Variants in RPS6KL1 observed in about 807,000 individuals in gnomAD.
RPS6KL1 encodes ribosomal protein S6 kinase like 1, also known as ribosomal protein S6 kinase-like 1.
RPS6KL1 carries 41 observed loss-of-function variants against 57.0 expected under a neutral mutation model. The observed-to-expected ratio is 0.72, with a 90% CI of 0.56 to 0.93. The LOEUF (loss-of-function observed/expected upper bound fraction) is 0.93, where lower values mean the gene tolerates loss of function less well. RPS6KL1 is among the 40% of genes least tolerant of loss of function. RPS6KL1 has a pLI of 0.00. For synonymous variants in RPS6KL1, 287 were observed against 309.7 expected (o/e 0.93, Z 0.77); for missense variants, 697 against 727.7 (o/e 0.96, Z 0.49).
chr14:74,916,330 G>A (rs1594939464), intron 5 of RPS6KL1, among the ~76,000 whole-genome samples: 1 of 152,132 alleles, frequency 6.6e-6, no homozygotes, highest in Non-Finnish European at 1.5e-5. Flanking sequence ...TCAGGAGGGA[G>A]GTGAAGTCCT....
rs1162956822 is a variant in RPS6KL1 at position 74,919,932 on chromosome 14, C to T, written c.303G>A (p.Leu101=). 1 of 1,614,036 alleles carries T rather than the reference C, an allele frequency of 6.2e-7. No homozygotes were observed. The highest frequency in any genetic ancestry group is 8.5e-7 in the Non-Finnish European group (1 of 1,180,044). The change falls in exon 4 of 12, where the codon CTG becomes CTA. Residue 101 remains leucine, a synonymous_variant. Transcript: ENST00000557413. ...CCCGCCGCAGGTATTTGGTAATTTTCAGCTTCACAGCCTCACGTCGCTCCT... is the reference window on the plus strand; with the variant it reads ...CCCGCCGCAGGTATTTGGTAATTTTTAGCTTCACAGCCTCACGTCGCTCCT... ...PNKERREAVK[L]KITKYLRRAE...
At chr14:74,918,838 C>T (rs543296260) in intron 4 of RPS6KL1, among the ~76,000 whole-genome samples, 44 of 152,342 alleles carry the variant, frequency 2.9e-4, no homozygotes, top group African/African-American at 1.0e-3. Context: ...CTGAGCCCGT[C>T]CAAGGCCCAT....
intron 5 of RPS6KL1, among the ~76,000 whole-genome samples, chr14:74,918,093 A>ATATTTTATATTATTT (rs1887159411): frequency 6.7e-6 from 1 of 149,710 alleles, no homozygotes; most frequent in African/African-American, 2.5e-5. Context: ...TCTTCTTTTT[A>ATATTTTATATTATTT]TATTTTATTT....
chr14:74,917,264 A>G (rs1887006722), intron 5 of RPS6KL1, among the ~76,000 whole-genome samples: 2 of 152,172 alleles, frequency 1.3e-5, no homozygotes, highest in South Asian at 2.1e-4. Flanking sequence ...AGATCACCCC[A>G]TTGGGGGAGA....
At chr14:74,910,205 G>A in intron 7 of RPS6KL1, 57 bp from the exon 8 acceptor site, 1 of 1,480,738 alleles carries the variant, frequency 6.8e-7, no homozygotes. Context: ...GAGTATGGAT[G>A]CCAGGGCCGG....
chr14:74,919,097 C>T (rs1887350557), intron 4 of RPS6KL1, among the ~76,000 whole-genome samples: 1 of 152,228 alleles, frequency 6.6e-6, no homozygotes, highest in Non-Finnish European at 1.5e-5. Context: ...ATCGCTTGAA[C>T]CTGGGAGGCG....
chr14:74,911,789 C>T lies in RPS6KL1; in HGVS notation c.531+5G>A, dbSNP rs1335325130. 2 of 1,553,586 alleles carry T rather than the reference C, an allele frequency of 1.3e-6. No homozygotes were observed. The highest frequency in any genetic ancestry group is 2.4e-5 in the South Asian group (2 of 84,182). On this transcript the variant is annotated splice_donor_5th_base_variant and intron_variant, in intron 6 of 11. Transcript: ENST00000557413. ...GCAGAGTGGCAGGGGCAGGGTGGCA[C>T]CTGCCTTCACCACAAAGGTCCCTCC...
At chr14:74,921,720 C>T in intron 2 of RPS6KL1, 159 bp from the exon 3 acceptor site, 2 of 1,427,938 alleles carry the variant, frequency 1.4e-6, no homozygotes, top group Non-Finnish European at 1.8e-6. Context: ...GATCCAGGTC[C>T]TTCCTAAGTG....
intron 6 of RPS6KL1, 144 bp downstream of exon 6, chr14:74,911,650 G>GA: frequency 1.3e-6 from 1 of 786,336 alleles, no homozygotes; most frequent in Non-Finnish European, 2.1e-6. Flanking sequence ...TGTCCATCTG[G>GA]AAAGTGGGGC....
rs747467398 is a variant in RPS6KL1 at position 74,909,800 on chromosome 14, T to C, written c.1013A>G (p.Asp338Gly). 14 of 1,606,664 alleles carry C rather than the reference T, an allele frequency of 8.7e-6. 2 individuals are homozygous for C. The South Asian group carries it at 1.5e-4, about 18-fold the overall frequency. The change falls in exon 8 of 12, where the codon GAC (aspartate) becomes GGC (glycine). Residue 338 changes from aspartate to glycine, a missense_variant. Transcript: ENST00000557413. ...AGTGAGCCCCCGAGGGGGCCCAGCG[T>C]CTGAGTTCTGGCCAGCCCTCCTAGC... ...LQARRAGQNS[D>G]AGPPRGLTWV... is the part of the protein sequence containing the mutation.
intron 4 of RPS6KL1, among the ~76,000 whole-genome samples, chr14:74,919,501 C>T (rs1351818641): frequency 6.6e-6 from 1 of 152,180 alleles, no homozygotes; most frequent in Non-Finnish European, 1.5e-5. Flanking sequence ...GAGACAGAAT[C>T]AGGAGGCTCT....
Position 74,919,941 on chromosome 14 carries a change from A to G in RPS6KL1, c.294T>C (p.Ala98=), listed in dbSNP as rs1887543903. Residue 98 remains alanine (A), a synonymous_variant, in exon 4 of 12, where the codon GCT becomes GCC. Coordinates refer to ENST00000557413, the MANE Select transcript of RPS6KL1 (RefSeq NM_031464.5). ...HVDPNKERRE[A]VKLKITKYLR... ...GGTATTTGGTAATTTTCAGCTTCAC[A>G]GCCTCACGTCGCTCCTTGTTGGGGT... 2 of 1,614,064 alleles carry G rather than the reference A, an allele frequency of 1.2e-6. No homozygotes were observed. Among genetic ancestry groups the G allele is most frequent in the Admixed American group, 1.7e-5 (1 of 60,006 alleles).
intron 11 of RPS6KL1, 153 bp from the exon 12 acceptor site, chr14:74,907,277 T>C (rs1481830524): frequency 2.2e-6 from 3 of 1,394,960 alleles, no homozygotes; most frequent in Admixed American, 2.4e-5. Flanking sequence ...TTGGTGGTGG[T>C]TGGCCACCAA....
At chr14:74,911,725 A>G (rs1886030483) in intron 6 of RPS6KL1, 69 bp downstream of exon 6, 1 of 1,401,718 alleles carries the variant, frequency 7.1e-7, no homozygotes, top group Admixed American at 2.0e-5. Context: ...GGTTCTGGGT[A>G]GGAGTTTCCA....
chr14:74,914,114 G>A, intron 5 of RPS6KL1, among the ~76,000 whole-genome samples: 1 of 152,240 alleles, frequency 6.6e-6, no homozygotes, highest in East Asian at 1.9e-4. Flanking sequence ...GAAGGCAGTG[G>A]ACTAGATGAG....
Position 74,906,969 on chromosome 14 carries a change from G to T in RPS6KL1, c.*45C>A. Reference sequence around the variant, plus strand: ...GTTGGGTGTCAGGCAAGGAGGAGAGGCGATCCAGACCAGGCCAGCTGCTTC... The same window carrying T: ...GTTGGGTGTCAGGCAAGGAGGAGAGTCGATCCAGACCAGGCCAGCTGCTTC... On this transcript the variant is annotated 3_prime_UTR_variant, in exon 12 of 12. Coordinates refer to ENST00000557413, the MANE Select transcript of RPS6KL1 (RefSeq NM_031464.5). 6.9e-7 allele frequency: 1 copy of T among 1,446,048 alleles called. No homozygotes were observed. The highest frequency in any genetic ancestry group is 9.7e-7 in the Non-Finnish European group (1 of 1,034,604). 89.6% of individuals were successfully genotyped at this position (1,446,048 alleles called of 1,614,324 possible).
At chr14:74,913,514 C>G (rs773191023) in intron 5 of RPS6KL1, among the ~76,000 whole-genome samples, 42 of 152,236 alleles carry the variant, frequency 2.8e-4, no homozygotes, top group Non-Finnish European at 5.4e-4. Flanking sequence ...CTAGATCAAG[C>G]CACTGCACTC....
intron 4 of RPS6KL1, 77 bp downstream of exon 4, chr14:74,919,768 T>TG: frequency 2.6e-6 from 4 of 1,520,518 alleles, no homozygotes; most frequent in Non-Finnish European, 3.6e-6. Context: ...GGCGGGCCTG[T>TG]GGGTGTCGGG....
At chr14:74,913,328 G>A (rs1381683944) in intron 5 of RPS6KL1, among the ~76,000 whole-genome samples, 2 of 152,132 alleles carry the variant, frequency 1.3e-5, no homozygotes, top group African/African-American at 2.4e-5. Context: ...AGGCCAAGGC[G>A]GGTGGATCAC....
Sources: allele counts gnomAD v4.1 joint callset (sites outside exome capture counted in the v4.1 genomes callset), GRCh38; gene constraint gnomAD v4.1.1; transcripts MANE v1.5; gene names NCBI Gene and HGNC (gene_info 2026-07-23, HGNC 2026-07-21).